Variants in ARB2A observed in about 807,000 individuals in gnomAD.
ARB2A encodes cotranscriptional regulator ARB2A.
At chr5:93,739,836 C>T in the ARB2A span, 1 of 151,932 alleles carries the variant, frequency 6.6e-6, no homozygotes, top group Non-Finnish European at 1.5e-5. Flanking sequence ...CAGCTGGGAC[C>T]GAAGCTCTGA....
chr5:93,653,357 A>C, the ARB2A span, among the ~76,000 whole-genome samples: 1 of 151,298 alleles, frequency 6.6e-6, no homozygotes, highest in African/African-American at 2.4e-5. Context: ...AAATACAAAA[A>C]AAAAATTAGC....
the ARB2A span, chr5:93,738,871 T>A: frequency 6.6e-6 from 1 of 152,190 alleles, no homozygotes; most frequent in Non-Finnish European, 1.5e-5. Context: ...GTGGTGATGG[T>A]TGCCTAACAT....
At chr5:93,773,832 T>A in the ARB2A span, among the ~76,000 whole-genome samples, 375 of 152,320 alleles carry the variant, frequency 2.5e-3, 1 homozygote, top group African/African-American at 8.6e-3. Context: ...CAATCATAGC[T>A]CACTGGCTCA....
chr5:93,842,867 T>C, the ARB2A span, among the ~76,000 whole-genome samples: 2 of 152,190 alleles, frequency 1.3e-5, no homozygotes, highest in African/African-American at 2.4e-5. Flanking sequence ...TCAGAAACAG[T>C]TGGCATCAGC....
chr5:94,005,243 G>A, the ARB2A span, among the ~76,000 whole-genome samples: 10 of 151,988 alleles, frequency 6.6e-5, no homozygotes, highest in Admixed American at 2.0e-4. Flanking sequence ...TCCCTCCATC[G>A]CCCAGGCTGG....
the ARB2A span, among the ~76,000 whole-genome samples, chr5:93,904,816 A>C: frequency 6.6e-6 from 1 of 151,682 alleles, no homozygotes; most frequent in African/African-American, 2.4e-5. Context: ...AATATGTCTA[A>C]TCTCTGGATA....
At chr5:93,809,618 AT>A in the ARB2A span, among the ~76,000 whole-genome samples, 1 of 152,082 alleles carries the variant, frequency 6.6e-6, no homozygotes, top group African/African-American at 2.4e-5. Flanking sequence ...GATAAAAAAA[AT>A]CAAAGTAATA....
At chr5:93,732,928 AT>A in the ARB2A span, among the ~76,000 whole-genome samples, 5,560 of 152,038 alleles carry the variant, frequency 0.037, 150 homozygotes, top group Middle Eastern at 0.071. Flanking sequence ...ATACATTTAT[AT>A]TTTTTTCTCT....
the ARB2A span, among the ~76,000 whole-genome samples, chr5:93,852,896 C>T: frequency 6.6e-6 from 1 of 152,124 alleles, no homozygotes; most frequent in Non-Finnish European, 1.5e-5. Flanking sequence ...CGTGATGCCT[C>T]CCTCTTTGTT....
the ARB2A span, among the ~76,000 whole-genome samples, chr5:93,760,227 A>C: frequency 6.6e-6 from 1 of 152,210 alleles, no homozygotes; most frequent in Non-Finnish European, 1.5e-5. Flanking sequence ...AAAACTTCAA[A>C]ACACCGCTGA....
chr5:93,954,801 CTG>C, the ARB2A span, among the ~76,000 whole-genome samples: 1 of 152,276 alleles, frequency 6.6e-6, no homozygotes, highest in East Asian at 1.9e-4. Flanking sequence ...TTGGCTCGTG[CTG>C]TGAGGCTTGC....
At chr5:93,878,302 A>T in the ARB2A span, among the ~76,000 whole-genome samples, 1 of 152,094 alleles carries the variant, frequency 6.6e-6, no homozygotes, top group African/African-American at 2.4e-5. Flanking sequence ...CTGCTCTACA[A>T]ATATTTATTA....
the ARB2A span, among the ~76,000 whole-genome samples, chr5:94,087,705 T>C: frequency 6.6e-6 from 1 of 152,252 alleles, no homozygotes; most frequent in East Asian, 1.9e-4. Context: ...TTAAGTGGTC[T>C]ATAAAGGTGT....
chr5:93,793,239 A>ATTTTTTTTTTTTT, the ARB2A span, among the ~76,000 whole-genome samples: 6 of 64,778 alleles, frequency 9.3e-5, no homozygotes, highest in Non-Finnish European at 1.2e-4. Flanking sequence ...CTTCTGGCTA[A>ATTTTTTTTTTTTT]TTTTTTTTTT....
At chr5:93,782,566 A>G in the ARB2A span, among the ~76,000 whole-genome samples, 1 of 152,180 alleles carries the variant, frequency 6.6e-6, no homozygotes, top group Non-Finnish European at 1.5e-5. Flanking sequence ...CATTCATAAA[A>G]ACAAAAGATG....
chr5:93,794,397 T>C, the ARB2A span, among the ~76,000 whole-genome samples: 4 of 152,178 alleles, frequency 2.6e-5, no homozygotes, highest in African/African-American at 7.2e-5. Context: ...AGCTTAATAA[T>C]TGACTTTCTG....
At chr5:94,009,808 AATTT>A in the ARB2A span, among the ~76,000 whole-genome samples, 1 of 151,950 alleles carries the variant, frequency 6.6e-6, no homozygotes, top group Admixed American at 6.5e-5. Context: ...CAAGTTGTTG[AATTT>A]ATTAGTATAA....
the ARB2A span, among the ~76,000 whole-genome samples, chr5:93,954,064 C>A: frequency 6.6e-6 from 1 of 152,088 alleles, no homozygotes; most frequent in African/African-American, 2.4e-5. Flanking sequence ...AAATACTGCC[C>A]AAGAGTCAAG....
At chr5:93,880,568 G>C in the ARB2A span, among the ~76,000 whole-genome samples, 2 of 151,480 alleles carry the variant, frequency 1.3e-5, no homozygotes, top group African/African-American at 4.8e-5. Context: ...TCACTTTTGA[G>C]GACTATTTCA....
Sources: allele counts gnomAD v4.1 joint callset (sites outside exome capture counted in the v4.1 genomes callset), GRCh38; gene constraint gnomAD v4.1.1; transcripts MANE v1.5; gene names NCBI Gene and HGNC (gene_info 2026-07-23, HGNC 2026-07-21).